Variants in ITPR1 observed in about 807,000 individuals in gnomAD.
ITPR1 encodes inositol 1,4,5-trisphosphate receptor type 1.
ITPR1 carries 96 observed loss-of-function variants against 318.4 expected under a neutral mutation model. The ratio of observed to expected loss-of-function variants is 0.30; its 90% confidence interval spans 0.26 to 0.36. The LOEUF is 0.36. Ranked by LOEUF, ITPR1 falls within the 10% of genes least tolerant of loss-of-function variation. ITPR1 has a pLI of 1.00. For synonymous variants in ITPR1, 1,312 were observed against 1,289.9 expected, an observed-to-expected ratio of 1.02 and a Z score of -0.37; for missense variants, 2,440 against 3,460.2, an observed-to-expected ratio of 0.71 and a Z score of 7.40.
intron 4 of ITPR1, among the ~76,000 whole-genome samples, chr3:4,547,763 A>T (rs2085165327): frequency 6.6e-6 from 1 of 152,176 alleles, no homozygotes; most frequent in African/African-American, 2.4e-5. Flanking sequence ...CAGTCCGAGG[A>T]GTTCAACCTC....
At chr3:4,544,188 G>A (rs764464851) in intron 4 of ITPR1, among the ~76,000 whole-genome samples, 2 of 152,204 alleles carry the variant, frequency 1.3e-5, no homozygotes, top group African/African-American at 2.4e-5. Flanking sequence ...CAGCCTTTAT[G>A]TTAAGAAGCA....
intron 4 of ITPR1, among the ~76,000 whole-genome samples, chr3:4,600,157 T>A (rs1256538419): frequency 1.3e-5 from 2 of 152,228 alleles, no homozygotes; most frequent in African/African-American, 4.8e-5. Flanking sequence ...ATAGTTTATT[T>A]AGTCTTTTTG....
At chr3:4,704,534 C>A (rs978922826) in intron 36 of ITPR1, among the ~76,000 whole-genome samples, 1 of 152,144 alleles carries the variant, frequency 6.6e-6, no homozygotes, top group African/African-American at 2.4e-5. Flanking sequence ...CACGGGTACC[C>A]CCTGATTCTA....
At position 4,806,104 on chromosome 3, in the gene ITPR1, T is replaced by C; in HGVS notation, c.7109T>C (p.Val2370Ala). ...PTLFLLGAFN[V>A]CNKIIFLMSF... ...GACTGTTCCTGTCATTGTTCTCAGGTATGCAATAAAATCATCTTTCTAATG... is the reference window on the plus strand; with the variant it reads ...GACTGTTCCTGTCATTGTTCTCAGGCATGCAATAAAATCATCTTTCTAATG... Residue 2370 changes from valine (V) to alanine (A), a missense_variant and splice_region_variant, in exon 55 of 62, where the codon GTA (valine) becomes GCA (alanine). This residue lies in a region of ITPR1 where 126 missense variants were observed against 150.8 expected (regional missense o/e 0.84). Transcript: ENST00000649015. 7.4e-6 allele frequency: 12 copies of C among 1,613,064 alleles called. No individual in the cohort carries two copies. Among genetic ancestry groups the C allele is most frequent in the Non-Finnish European group, 1.0e-5 (12 of 1,179,274 alleles).
chr3:4,685,224 C>T lies in ITPR1; in HGVS notation c.3702+18C>T. On this transcript the variant is annotated intron_variant, in intron 30 of 61. Transcript: ENST00000649015. ...ATGAGAAGGTGAGCGGTGCCTCATG[C>T]ACAGCAGCTGCTCTCAGGATGGGGC... The T allele has an allele frequency of 1.9e-6, 3 of 1,585,946 alleles. No homozygotes were observed. The highest frequency in any genetic ancestry group is 2.6e-6 in the Non-Finnish European group (3 of 1,169,476).
chr3:4,589,526 A>C (rs925186838), intron 4 of ITPR1, among the ~76,000 whole-genome samples: 1 of 152,134 alleles, frequency 6.6e-6, no homozygotes, highest in African/African-American at 2.4e-5. Flanking sequence ...TTTGCAGGCA[A>C]TTGCAGTGTG....
intron 2 of ITPR1, among the ~76,000 whole-genome samples, chr3:4,498,738 GGTGAAC>G (rs1010231058): frequency 6.6e-6 from 1 of 152,194 alleles, no homozygotes; most frequent in Non-Finnish European, 1.5e-5. Context: ...TTGACAAATA[GGTGAAC>G]GTACAGTTGA....
chr3:4,502,656 G>T (rs910697400), intron 2 of ITPR1, among the ~76,000 whole-genome samples: 5 of 151,818 alleles, frequency 3.3e-5, no homozygotes, highest in African/African-American at 1.2e-4. Context: ...GGCCAGGATT[G>T]TCTCGATCTC....
At chr3:4,753,373 A>T (rs1372130404) in intron 44 of ITPR1, among the ~76,000 whole-genome samples, 1 of 152,036 alleles carries the variant, frequency 6.6e-6, no homozygotes, top group African/African-American at 2.4e-5. Context: ...AAGCCCTAAT[A>T]TACAAAGCAG....
intron 54 of ITPR1, among the ~76,000 whole-genome samples, chr3:4,803,954 C>G (rs1436709032): frequency 6.6e-6 from 1 of 152,184 alleles, no homozygotes; most frequent in African/African-American, 2.4e-5. Flanking sequence ...TCACTGCAAC[C>G]TCCGCCTCCT....
intron 45 of ITPR1, 174 bp from the exon 46 acceptor site, chr3:4,768,337 C>T (rs188367422): frequency 1.8e-4 from 119 of 652,988 alleles, no homozygotes; most frequent in African/African-American, 1.8e-3. Context: ...GGGCCTGGCT[C>T]GGTTTTAATC....
intron 51 of ITPR1, among the ~76,000 whole-genome samples, chr3:4,784,135 C>G (rs756819528): frequency 6.6e-6 from 1 of 152,142 alleles, no homozygotes; most frequent in African/African-American, 2.4e-5. Context: ...TGAGCAACCT[C>G]TCATTCCTCA....
At chr3:4,602,955 A>C (rs1182679702) in intron 4 of ITPR1, among the ~76,000 whole-genome samples, 4 of 152,124 alleles carry the variant, frequency 2.6e-5, no homozygotes, top group African/African-American at 9.7e-5. Flanking sequence ...GGATTTTCTA[A>C]AAACTGCTGA....
At chr3:4,610,934 C>CCCTT (rs1203359830) in intron 4 of ITPR1, among the ~76,000 whole-genome samples, 5 of 74,568 alleles carry the variant, frequency 6.7e-5, no homozygotes, top group African/African-American at 1.1e-4. Context: ...CCCTTCCCTT[C>CCCTT]CCCTTCCTCT....
chr3:4,725,971 G>A (rs1455055207), intron 41 of ITPR1, among the ~76,000 whole-genome samples: 3 of 152,162 alleles, frequency 2.0e-5, no homozygotes, highest in African/African-American at 7.2e-5. Flanking sequence ...CAATAATAAA[G>A]AATATTTATA....
At chr3:4,577,525 G>T (rs2125045919) in intron 4 of ITPR1, among the ~76,000 whole-genome samples, 1 of 152,240 alleles carries the variant, frequency 6.6e-6, no homozygotes, top group South Asian at 2.1e-4. Context: ...CTCCTAAATT[G>T]AGATCAGGTT....
intron 56 of ITPR1, among the ~76,000 whole-genome samples, chr3:4,811,693 C>T (rs2048948646): frequency 1.3e-5 from 2 of 152,284 alleles, no homozygotes; most frequent in Admixed American, 1.3e-4. Context: ...TCACTAACAT[C>T]ATCTTTTAAA....
intron 26 of ITPR1, among the ~76,000 whole-genome samples, chr3:4,681,624 A>AGTGTGTGTGTGTGTGTGTGTGTGTGTGT (rs10665371): frequency 4.8e-5 from 7 of 145,786 alleles, no homozygotes; most frequent in African/African-American, 1.8e-4. Context: ...AGAGAGAGAA[A>AGTGTGTGTGTGTGTGTGTGTGTGTGTGT]GTGTGTGTGT....
intron 61 of ITPR1, 51 bp from the exon 62 acceptor site, chr3:4,846,088 T>G (rs2051757857): frequency 1.9e-6 from 2 of 1,080,306 alleles, no homozygotes; most frequent in Non-Finnish European, 2.7e-6. Context: ...GTATGCGATT[T>G]GACGTACAGG....
Sources: allele counts gnomAD v4.1 joint callset (sites outside exome capture counted in the v4.1 genomes callset), GRCh38; gene constraint gnomAD v4.1.1; regional missense constraint gnomAD v4.1.1; transcripts MANE v1.5; gene names NCBI Gene and HGNC (gene_info 2026-07-23, HGNC 2026-07-21).